Variants in JAGN1 observed in about 807,000 individuals in gnomAD.
JAGN1 encodes the protein jagunal vesicle mediated transporter 1.
Under a neutral mutation model 17.1 loss-of-function variants are expected in JAGN1, and 13 were observed. The ratio of observed to expected loss-of-function variants is 0.76; its 90% confidence interval spans 0.49 to 1.21. The LOEUF is 1.21. Ranked by LOEUF, JAGN1 falls within the 50% of genes most tolerant of loss-of-function variation. JAGN1 has a pLI of 0.00. For synonymous variants in JAGN1, 111 were observed against 91.0 expected (o/e 1.22, Z -1.25); for missense variants, 256 against 234.2 (o/e 1.09, Z -0.61).
In JAGN1 at chr3:9,893,043, A is replaced by G. The variant is rs1351262319; in HGVS notation, c.218A>G (p.Gln73Arg). ...LSHDQVAMPY[Q>R]WEYPYLLSIL... ...CATGATCAGGTGGCCATGCCCTATC[A>G]GTGGGAATACCCGTATTTGCTGAGC... is the stretch of plus-strand genomic sequence containing the variant. Residue 73 changes from glutamine to arginine, a missense_variant, in exon 2 of 2, where the codon CAG (glutamine) becomes CGG (arginine). By Grantham distance (43) the Gln-to-Arg change is conservative. Transcript: ENST00000647897. The G allele has an allele frequency of 1.2e-6, 2 of 1,614,082 alleles. No homozygotes were observed. Among genetic ancestry groups the G allele is most frequent in the East Asian group, 2.2e-5 (1 of 44,896 alleles).
At position 9,892,983 on chromosome 3, in the gene JAGN1, C is replaced by G; in HGVS notation, c.158C>G (p.Ala53Gly). Residue 53 changes from alanine to glycine, a missense_variant, in exon 2 of 2, where the codon GCT (alanine) becomes GGT (glycine). By Grantham distance (60) the Ala-to-Gly change is moderately conservative. Coordinates refer to ENST00000647897, the MANE Select transcript of JAGN1 (RefSeq NM_032492.4). ...VHLVIWLLLVAKMSVGHLRLL... is the reference protein window; with the variant it reads ...VHLVIWLLLVGKMSVGHLRLL... ...CTGGTCATATGGCTGCTGCTGGTTG[C>G]TAAGATGAGCGTGGGACACCTGAGG... 1.2e-6 allele frequency: 2 copies of G among 1,614,174 alleles called. No individual in the cohort carries two copies. Among genetic ancestry groups the G allele is most frequent in the Non-Finnish European group, 1.7e-6 (2 of 1,180,028 alleles).
Position 9,890,701 on chromosome 3 carries a change from T to A in JAGN1, c.-22T>A. 3 of 1,597,354 alleles carry A rather than the reference T, an allele frequency of 1.9e-6. No homozygotes were observed. Among genetic ancestry groups the A allele is most frequent in the Non-Finnish European group, 2.6e-6 (3 of 1,172,944 alleles). ...GCGGTACCAGGTCCGCGTGAGGGGTTCGGGGGTTCTGGGCAGGCACAATGG... is the reference window on the plus strand; with the variant it reads ...GCGGTACCAGGTCCGCGTGAGGGGTACGGGGGTTCTGGGCAGGCACAATGG... On this transcript the variant is annotated 5_prime_UTR_variant, in exon 1 of 2. Coordinates refer to ENST00000647897, the MANE Select transcript of JAGN1 (RefSeq NM_032492.4).
Position 9,893,446 on chromosome 3 carries a change from C to A in JAGN1, c.*69C>A. On this transcript the variant is annotated 3_prime_UTR_variant, in exon 2 of 2. Transcript: ENST00000647897. ...ACACTAGTACAGCGGTTCCAAAATC[C>A]CTTCTGGTGATTTTAGCAGCTGTGA... The A allele has an allele frequency of 8.0e-7, 1 of 1,254,786 alleles. No homozygotes were observed. The highest frequency in any genetic ancestry group is 2.5e-4 in the Middle Eastern group (1 of 4,060). The allele number at this position is 1,254,786 out of a possible 1,614,324, so 77.7% of individuals were successfully genotyped here.
rs747987144 is a variant in JAGN1, at chr3:9,890,706, G to A, written c.-17G>A. The A allele has an allele frequency of 1.0e-4, 166 of 1,600,694 alleles. No individual in the cohort carries two copies. Among genetic ancestry groups the A allele is most frequent in the Admixed American group, 6.2e-4 (36 of 57,644 alleles). Reference sequence around the variant, plus strand: ...ACCAGGTCCGCGTGAGGGGTTCGGGGGTTCTGGGCAGGCACAATGGCGTCT... The same window carrying A: ...ACCAGGTCCGCGTGAGGGGTTCGGGAGTTCTGGGCAGGCACAATGGCGTCT... On this transcript the variant is annotated 5_prime_UTR_variant, in exon 1 of 2. Coordinates refer to ENST00000647897, the MANE Select transcript of JAGN1 (RefSeq NM_032492.4).
chr3:9,893,068 C>T lies in JAGN1; in HGVS notation c.243C>T (p.Ser81=). ...AGTGGGAATACCCGTATTTGCTGAG[C>T]ATTTTGCCCTCTCTCTTGGGCCTTC... is the stretch of plus-strand genomic sequence containing the variant. The part of the protein sequence containing the change: ...PYQWEYPYLL[S]ILPSLLGLLS... The change falls in exon 2 of 2, where the codon AGC becomes AGT. Residue 81 remains serine, a synonymous_variant. Transcript: ENST00000647897. 1.2e-6 allele frequency: 2 copies of T among 1,614,176 alleles called. No individual in the cohort carries two copies. The highest frequency in any genetic ancestry group is 1.1e-5 in the South Asian group (1 of 91,076).
intron 1 of JAGN1, among the ~76,000 whole-genome samples, chr3:9,891,826 G>A (rs558493452): frequency 6.6e-6 from 1 of 152,170 alleles, no homozygotes; most frequent in South Asian, 2.1e-4. Flanking sequence ...GGACGTGAGA[G>A]AATTAGAAGA....
At position 9,893,447 on chromosome 3, in the gene JAGN1, CTTCTGGTGATTTT is replaced by C; in HGVS notation, c.*71_*83del. ...CACTAGTACAGCGGTTCCAAAATCC[CTTCTGGTGATTTT>C]AGCAGCTGTGATGTTGGTACCTGGT... On this transcript the variant is annotated 3_prime_UTR_variant, in exon 2 of 2. Coordinates refer to ENST00000647897, the MANE Select transcript of JAGN1 (RefSeq NM_032492.4). The C allele has an allele frequency of 7.9e-7, 1 of 1,261,260 alleles. No individual in the cohort carries two copies. Among genetic ancestry groups the C allele is most frequent in the Non-Finnish European group, 1.1e-6 (1 of 926,570 alleles). 78.1% of individuals were successfully genotyped at this position (1,261,260 alleles called of 1,614,324 possible). A position where few individuals can be genotyped will look rare whatever the true frequency, so the allele number is the denominator to read the frequency against.
At chr3:9,891,469 C>T (rs997585793) in intron 1 of JAGN1, among the ~76,000 whole-genome samples, 6 of 151,716 alleles carry the variant, frequency 4.0e-5, no homozygotes, top group Non-Finnish European at 8.8e-5. Context: ...ACATGTTATA[C>T]CTTCAATAAA....
At position 9,893,366 on chromosome 3, in the gene JAGN1, AAGC is replaced by A; in HGVS notation, c.543_545del (p.Lys181_His182delinsAsn). 1 of 1,610,702 alleles carries A rather than the reference AAGC, an allele frequency of 6.2e-7. No individual in the cohort carries two copies. ...TTGGTTCACCAGCACACAGGAGAAG[AAGC>A]ATAAATGAAGCCTCTTTGGGGTGAA... On this transcript the variant is annotated inframe_deletion, in exon 2 of 2. Transcript: ENST00000647897.
chr3:9,891,607 A>G (rs1279239678), intron 1 of JAGN1, among the ~76,000 whole-genome samples: 2 of 152,024 alleles, frequency 1.3e-5, no homozygotes, highest in African/African-American at 4.8e-5. Context: ...AAATTTTAAA[A>G]TTTTTACTTC....
In JAGN1 at chr3:9,893,970, AG is replaced by A. The variant is rs1382750527; in HGVS notation, c.*594del. On this transcript the variant is annotated 3_prime_UTR_variant, in exon 2 of 2. Transcript: ENST00000647897. Reference sequence around the variant, plus strand: ...TTGAGAAACCTAGCAGTGGCCATAGAGAAGTAGACTGGGTATGGGGAACCTA... The same window carrying A: ...TTGAGAAACCTAGCAGTGGCCATAGAAAGTAGACTGGGTATGGGGAACCTA... The A allele has an allele frequency of 6.5e-6, 1 of 154,372 alleles. No homozygotes were observed. Among genetic ancestry groups the A allele is most frequent in the African/African-American group, 2.4e-5 (1 of 41,456 alleles). 9.6% of individuals were successfully genotyped at this position (154,372 alleles called of 1,614,324 possible). A position where few individuals can be genotyped will look rare whatever the true frequency, so the allele number is the denominator to read the frequency against.
chr3:9,891,107 C>A (rs1184809128), intron 1 of JAGN1, among the ~76,000 whole-genome samples: 2 of 152,256 alleles, frequency 1.3e-5, no homozygotes, highest in Non-Finnish European at 2.9e-5. Context: ...GTATCACCTT[C>A]GAAACCGAAT....
chr3:9,893,357 C>A lies in JAGN1; in HGVS notation c.532C>A (p.Gln178Lys), dbSNP rs775653139. ...CCTAGACTCTTGGTTCACCAGCACA[C>A]AGGAGAAGAAGCATAAATGAAGCCT... ...KLLDSWFTST[Q>K]EKKHK is the part of the protein sequence containing the mutation. Residue 178 changes from glutamine (Q) to lysine (K), a missense_variant, in exon 2 of 2, where the codon CAG becomes AAG. Coordinates refer to ENST00000647897, the MANE Select transcript of JAGN1 (RefSeq NM_032492.4). 6.2e-7 allele frequency: 1 copy of A among 1,612,272 alleles called. No individual in the cohort carries two copies. The highest frequency in any genetic ancestry group is 1.7e-5 in the Admixed American group (1 of 59,626).
In JAGN1 at chr3:9,890,645, T is replaced by C. The variant is rs936652986; in HGVS notation, c.-78T>C. 1.4e-6 allele frequency: 2 copies of C among 1,381,228 alleles called. No homozygotes were observed. Among genetic ancestry groups the C allele is most frequent in the East Asian group, 2.5e-5 (1 of 39,488 alleles). 85.6% of individuals were successfully genotyped at this position (1,381,228 alleles called of 1,614,324 possible). On this transcript the variant is annotated 5_prime_UTR_variant, in exon 1 of 2. Transcript: ENST00000647897. ...AGCCGCGCGGCTGCGGGGGCGCAAA[T>C]AGGGTCAGTGGGCCGCTTGGCGGTG...
chr3:9,893,040 A>C lies in JAGN1; in HGVS notation c.215A>C (p.Tyr72Ser). 6.2e-7 allele frequency: 1 copy of C among 1,614,164 alleles called. No homozygotes were observed. Among genetic ancestry groups the C allele is most frequent in the Non-Finnish European group, 8.5e-7 (1 of 1,180,026 alleles). ...TCACATGATCAGGTGGCCATGCCCT[A>C]TCAGTGGGAATACCCGTATTTGCTG... Reference protein sequence around the residue: ...LLSHDQVAMPYQWEYPYLLSI... With the variant: ...LLSHDQVAMPSQWEYPYLLSI... Residue 72 changes from tyrosine to serine, a missense_variant, in exon 2 of 2, where the codon TAT (tyrosine) becomes TCT (serine). Transcript: ENST00000647897.
rs1352085927 is a variant in JAGN1 at position 9,893,876 on chromosome 3, T to TA, written c.*500dup. ...ACTGTGCCTTGTGTTTGGGGCTTGA[T>TA]AGAGTGTGAAAGGTGTGTTGCTTGA... On this transcript the variant is annotated 3_prime_UTR_variant, in exon 2 of 2. Coordinates refer to ENST00000647897, the MANE Select transcript of JAGN1 (RefSeq NM_032492.4). 4.3e-5 allele frequency: 7 copies of TA among 163,598 alleles called. No individual in the cohort carries two copies. The highest frequency in any genetic ancestry group is 1.4e-4 in the African/African-American group (6 of 41,506). 10.1% of individuals were successfully genotyped at this position (163,598 alleles called of 1,614,324 possible). A position where few individuals can be genotyped will look rare whatever the true frequency, so the allele number is the denominator to read the frequency against.
chr3:9,891,577 C>T (rs2082563299), intron 1 of JAGN1, among the ~76,000 whole-genome samples: 1 of 151,350 alleles, frequency 6.6e-6, no homozygotes, highest in Non-Finnish European at 1.5e-5. Flanking sequence ...ACATTTTCTA[C>T]AATAAATATT....
At position 9,893,278 on chromosome 3, in the gene JAGN1, G is replaced by A; in HGVS notation, c.453G>A (p.Val151=). The A allele has an allele frequency of 6.2e-7, 1 of 1,614,212 alleles. No homozygotes were observed. The highest frequency in any genetic ancestry group is 8.5e-7 in the Non-Finnish European group (1 of 1,180,046). The change falls in exon 2 of 2, where the codon GTG becomes GTA. Residue 151 remains valine (V), a synonymous_variant. Coordinates refer to ENST00000647897, the MANE Select transcript of JAGN1 (RefSeq NM_032492.4). ...CTGCCGTTTCCATCATGTACCTGGT[G>A]TTGGTGTTGGCAGTGCAAGTGCATG... ...GFSAVSIMYL[V]LVLAVQVHAW... is the part of the protein sequence containing the mutation.
chr3:9,893,223 G>A lies in JAGN1; in HGVS notation c.398G>A (p.Gly133Asp). The A allele has an allele frequency of 1.2e-6, 2 of 1,614,190 alleles. No homozygotes were observed. The highest frequency in any genetic ancestry group is 1.7e-6 in the Non-Finnish European group (2 of 1,180,040). ...GCTGCACAGCAGCTCTACCGCCATGGCAAGGCCTACCGTTTCCTCTTTGGT... is the reference window on the plus strand; with the variant it reads ...GCTGCACAGCAGCTCTACCGCCATGACAAGGCCTACCGTTTCCTCTTTGGT... Reference protein sequence around the residue: ...FPAAQQLYRHGKAYRFLFGFS... With the variant: ...FPAAQQLYRHDKAYRFLFGFS... The change falls in exon 2 of 2, where the codon GGC becomes GAC. Residue 133 changes from glycine to aspartate, a missense_variant. By Grantham distance (94) the Gly-to-Asp change is moderately conservative. Coordinates refer to ENST00000647897, the MANE Select transcript of JAGN1 (RefSeq NM_032492.4).
Sources: allele counts gnomAD v4.1 joint callset (sites outside exome capture counted in the v4.1 genomes callset), GRCh38; gene constraint gnomAD v4.1.1; transcripts MANE v1.5; gene names NCBI Gene and HGNC (gene_info 2026-07-23, HGNC 2026-07-21).